The following TSHZ2 variants were observed in gnomAD, a reference collection of about 807,000 sequenced individuals.
TSHZ2 encodes the protein teashirt zinc finger homeobox 2, also known as teashirt homolog 2.
Under a neutral mutation model 74.4 loss-of-function variants are expected in TSHZ2, and 21 were observed. The observed-to-expected ratio is 0.28, with a 90% CI of 0.20 to 0.41. The LOEUF (loss-of-function observed/expected upper bound fraction) is 0.41, where lower values mean the gene tolerates loss of function less well. Among genes scored for constraint, TSHZ2 ranks in the 10% least tolerant of loss-of-function variants. TSHZ2 has a pLI of 1.00. For synonymous variants in TSHZ2, 540 were observed against 515.3 expected, an observed-to-expected ratio of 1.05 and a Z score of -0.65; for missense variants, 1,244 against 1,293.5, an observed-to-expected ratio of 0.96 and a Z score of 0.59.
chr20:53,335,903 C>G (rs537077528), intron 2 of TSHZ2, among the ~76,000 whole-genome samples: 1 of 152,310 alleles, frequency 6.6e-6, no homozygotes, highest in East Asian at 1.9e-4. Context: ...CAGACAGTGA[C>G]CTACTCTGTC....
rs538695199 is a variant in TSHZ2 at position 53,046,876 on chromosome 20, C to T, written c.40+73543C>T. ...TCTGTGTACTTCACAAAAGGTCTGG[C>T]TCATGAGCCCTTAATGCATGTTATG... On this transcript the variant is annotated intron_variant, in intron 1 of 2. Coordinates refer to ENST00000371497, the MANE Select transcript of TSHZ2 (RefSeq NM_173485.6). Among the ~76,000 whole-genome samples, 6 of 152,200 alleles carry T rather than the reference C, an allele frequency of 3.9e-5. No individual in the cohort carries two copies. The South Asian group carries it at 1.0e-3, about 26-fold the overall frequency.
chr20:53,223,663 C>T (rs1989614907), intron 1 of TSHZ2, among the ~76,000 whole-genome samples: 4 of 152,044 alleles, frequency 2.6e-5, no homozygotes, highest in Admixed American at 1.3e-4. Flanking sequence ...TCCAAAGTGC[C>T]GGGATTACAG....
At chr20:53,435,395 C>T (rs1224224433) in intron 2 of TSHZ2, among the ~76,000 whole-genome samples, 2 of 152,118 alleles carry the variant, frequency 1.3e-5, no homozygotes, top group Admixed American at 6.5e-5. Flanking sequence ...GTTTTTCCCC[C>T]GCCCCGGGTA....
intron 1 of TSHZ2, among the ~76,000 whole-genome samples, chr20:53,213,628 A>C (rs1989364621): frequency 6.6e-6 from 1 of 152,346 alleles, no homozygotes; most frequent in Non-Finnish European, 1.5e-5. Context: ...TTTCCTATAG[A>C]AACAACCTCT....
chr20:52,978,250 C>G (rs1345445279), intron 1 of TSHZ2, among the ~76,000 whole-genome samples: 1 of 152,106 alleles, frequency 6.6e-6, no homozygotes, highest in African/African-American at 2.4e-5. Context: ...ACAGACTGAG[C>G]CTGGCATTTT....
At chr20:53,271,237 C>G (rs545782543) in intron 2 of TSHZ2, among the ~76,000 whole-genome samples, 2 of 152,234 alleles carry the variant, frequency 1.3e-5, no homozygotes, top group African/African-American at 4.8e-5. Flanking sequence ...GAGTCTGGCC[C>G]CAGGGCTGAG....
intron 2 of TSHZ2, among the ~76,000 whole-genome samples, chr20:53,386,818 C>G (rs911308336): frequency 3.3e-5 from 5 of 151,382 alleles, no homozygotes; most frequent in African/African-American, 1.2e-4. Flanking sequence ...TAATGACAGG[C>G]AAACAGGATT....
chr20:53,132,313 ATT>A (rs552180228), intron 1 of TSHZ2, among the ~76,000 whole-genome samples: 16 of 139,222 alleles, frequency 1.1e-4, no homozygotes, highest in Non-Finnish European at 1.3e-4. Context: ...TCTGCCCCTA[ATT>A]TTTTTTTTTT....
chr20:53,307,224 C>T (rs1430616922), intron 2 of TSHZ2, among the ~76,000 whole-genome samples: 1 of 152,162 alleles, frequency 6.6e-6, no homozygotes, highest in African/African-American at 2.4e-5. Context: ...GATTCCCAAA[C>T]CTCCCCTTGA....
chr20:53,398,618 T>G (rs1483044593), intron 2 of TSHZ2: 1 of 152,198 alleles, frequency 6.6e-6, no homozygotes, highest in South Asian at 2.1e-4. Flanking sequence ...GCCAGTGTGA[T>G]GGTGCATGCC....
At chr20:52,990,743 T>C (rs1325844139) in intron 1 of TSHZ2, among the ~76,000 whole-genome samples, 1 of 152,168 alleles carries the variant, frequency 6.6e-6, no homozygotes, top group African/African-American at 2.4e-5. Flanking sequence ...CAAACATATA[T>C]TGAAGCTCAC....
At chr20:53,371,901 A>G (rs1981487917) in intron 2 of TSHZ2, among the ~76,000 whole-genome samples, 1 of 150,468 alleles carries the variant, frequency 6.6e-6, no homozygotes. Flanking sequence ...AAAAAAAAAG[A>G]GTCAGCAGGA....
At chr20:53,276,232 C>T (rs897968484) in intron 2 of TSHZ2, among the ~76,000 whole-genome samples, 5 of 144,542 alleles carry the variant, frequency 3.5e-5, no homozygotes, top group Non-Finnish European at 3.0e-5. Flanking sequence ...TAGCTCCAGG[C>T]CTGGCTCTTT....
intron 1 of TSHZ2, among the ~76,000 whole-genome samples, chr20:53,002,131 G>T (rs1390440152): frequency 6.6e-6 from 1 of 152,176 alleles, no homozygotes; most frequent in Non-Finnish European, 1.5e-5. Flanking sequence ...TGCCACACAG[G>T]CTTTGGGTGA....
intron 1 of TSHZ2, among the ~76,000 whole-genome samples, chr20:53,198,974 G>A (rs940505610): frequency 2.6e-5 from 4 of 152,078 alleles, no homozygotes; most frequent in African/African-American, 7.2e-5. Context: ...AAGGTGCCCC[G>A]ACTAGAGCAC....
intron 2 of TSHZ2, among the ~76,000 whole-genome samples, chr20:53,468,967 T>G (rs1344443402): frequency 6.9e-6 from 1 of 144,298 alleles, no homozygotes; most frequent in Non-Finnish European, 1.5e-5. Flanking sequence ...GAATGAATGG[T>G]CTCATCAGTA....
intron 1 of TSHZ2, among the ~76,000 whole-genome samples, chr20:53,220,959 T>A (rs528579013): frequency 1.3e-5 from 2 of 152,334 alleles, no homozygotes; most frequent in African/African-American, 4.8e-5. Context: ...GATTCATGAA[T>A]GATATGGTTT....
At chr20:53,373,411 T>C (rs1024406853) in intron 2 of TSHZ2, among the ~76,000 whole-genome samples, 1 of 152,224 alleles carries the variant, frequency 6.6e-6, no homozygotes. Context: ...AATTCTATCA[T>C]TTGCATTCCA....
chr20:52,985,789 A>G (rs1981731031), intron 1 of TSHZ2, among the ~76,000 whole-genome samples: 1 of 152,194 alleles, frequency 6.6e-6, no homozygotes, highest in South Asian at 2.1e-4. Flanking sequence ...TCTACGGGGA[A>G]AGGTTAGAGA....
Sources: allele counts gnomAD v4.1 joint callset (sites outside exome capture counted in the v4.1 genomes callset), GRCh38; gene constraint gnomAD v4.1.1; transcripts MANE v1.5; gene names NCBI Gene and HGNC (gene_info 2026-07-23, HGNC 2026-07-21).